Variants in SLC25A24 observed in about 807,000 individuals in gnomAD.
SLC25A24 encodes mitochondrial adenyl nucleotide antiporter SLC25A24.
Under a neutral mutation model 60.7 loss-of-function variants are expected in SLC25A24, and 49 were observed. The ratio of observed to expected loss-of-function variants is 0.81; its 90% CI spans 0.64 to 1.02. SLC25A24 has a LOEUF of 1.02. SLC25A24 is among the 50% of genes least tolerant of loss of function. SLC25A24 has a pLI of 0.00. For missense variants in SLC25A24, 564 were observed against 586.3 expected, an observed-to-expected ratio of 0.96 and a Z score of 0.39; for synonymous variants, 202 against 200.6, an observed-to-expected ratio of 1.01 and a Z score of -0.06.
intron 3 of SLC25A24, among the ~76,000 whole-genome samples, chr1:108,180,710 G>C (rs1489930026): frequency 6.6e-6 from 1 of 151,310 alleles, no homozygotes; most frequent in Non-Finnish European, 1.5e-5. Flanking sequence ...CTGCAAGCCA[G>C]AAAGAGAGCC....
intron 3 of SLC25A24, among the ~76,000 whole-genome samples, chr1:108,170,788 A>G (rs1018150816): frequency 6.6e-6 from 1 of 152,000 alleles, no homozygotes; most frequent in African/African-American, 2.4e-5. Flanking sequence ...TTGTTCTTTC[A>G]TCTGACAATC....
chr1:108,159,892 G>A (rs1483866334), intron 4 of SLC25A24, among the ~76,000 whole-genome samples: 10 of 151,030 alleles, frequency 6.6e-5, no homozygotes, highest in Admixed American at 2.0e-4. Flanking sequence ...GCAACCATCC[G>A]ATTTCTCAAT....
intron 3 of SLC25A24, among the ~76,000 whole-genome samples, chr1:108,180,673 A>G (rs1164906261): frequency 1.4e-5 from 2 of 142,458 alleles, no homozygotes; most frequent in Non-Finnish European, 3.0e-5. Flanking sequence ...TCTCTGCCAT[A>G]TGACAATACA....
At chr1:108,152,728 A>C (rs962721857) in intron 6 of SLC25A24, among the ~76,000 whole-genome samples, 1 of 152,026 alleles carries the variant, frequency 6.6e-6, no homozygotes, top group African/African-American at 2.4e-5. Flanking sequence ...CATTTACTTA[A>C]TAAGGGTTTC....
At chr1:108,171,030 A>G (rs1430184151) in intron 3 of SLC25A24, among the ~76,000 whole-genome samples, 1 of 152,120 alleles carries the variant, frequency 6.6e-6, no homozygotes, top group Non-Finnish European at 1.5e-5. Context: ...ACTGTACTTG[A>G]ATTTATTTCT....
chr1:108,147,714 T>C (rs757810412), intron 7 of SLC25A24, among the ~76,000 whole-genome samples: 17 of 152,176 alleles, frequency 1.1e-4, no homozygotes, highest in Non-Finnish European at 2.2e-4. Flanking sequence ...AGAAACTCTT[T>C]GGACAGGAAT....
At chr1:108,194,283 T>C (rs749545025) in intron 1 of SLC25A24, among the ~76,000 whole-genome samples, 1 of 138,016 alleles carries the variant, frequency 7.2e-6, no homozygotes, top group Non-Finnish European at 1.6e-5. Context: ...CAGTGGCAAA[T>C]GTCTAATGCT....
Position 108,157,634 on chromosome 1 carries a change from A to G in SLC25A24, c.511-14T>C. On this transcript the variant is annotated splice_polypyrimidine_tract_variant and intron_variant, in intron 4 of 9. Transcript: ENST00000565488. ...TATGTCAATTCCCTGTAAAAATGAA[A>G]AAAAGATCCCCATGCGCCTTAGTTA... The G allele has an allele frequency of 4.4e-6, 7 of 1,607,748 alleles. No individual in the cohort carries two copies. Among genetic ancestry groups the G allele is most frequent in the East Asian group, 2.2e-5 (1 of 44,806 alleles).
intron 6 of SLC25A24, among the ~76,000 whole-genome samples, chr1:108,152,597 A>G (rs1186506262): frequency 6.6e-6 from 1 of 152,048 alleles, no homozygotes; most frequent in Non-Finnish European, 1.5e-5. Flanking sequence ...GCTCAAGCAA[A>G]CTACCTCCTA....
chr1:108,156,478 C>T lies in SLC25A24; in HGVS notation c.669+984G>A, dbSNP rs929309435. Among the ~76,000 whole-genome samples the T allele has an allele frequency of 1.3e-3, 203 of 152,316 alleles. 2 individuals are homozygous for T. The highest frequency in any genetic ancestry group is 4.5e-3 in the African/African-American group (189 of 41,576). ...AGAAAAACACACACCAATCCCCTCT[C>T]CTTTTTCTTTAAAGCATTAGCTTTG... On this transcript the variant is annotated intron_variant, in intron 5 of 9. Coordinates refer to ENST00000565488, the MANE Select transcript of SLC25A24 (RefSeq NM_013386.5).
Position 108,135,507 on chromosome 1 carries a change from C to T in SLC25A24, c.*1146G>A, listed in dbSNP as rs951534580. ...ATGGCTTTAGTAAAATAAAAAAATG[C>T]TCTCATTATTATAAATTAAGTCTCC... is the stretch of plus-strand genomic sequence containing the variant. On this transcript the variant is annotated 3_prime_UTR_variant, in exon 10 of 10. Coordinates refer to ENST00000565488, the MANE Select transcript of SLC25A24 (RefSeq NM_013386.5). 9 of 152,056 alleles carry T rather than the reference C, an allele frequency of 5.9e-5. No individual in the cohort carries two copies. The highest frequency in any genetic ancestry group is 1.2e-4 in the African/African-American group (5 of 41,394). The allele number at this position is 152,056 out of a possible 1,614,324, so 9.4% of individuals were successfully genotyped here.
In SLC25A24 at chr1:108,185,836, T is replaced by C. The variant is rs747541807; in HGVS notation, c.302A>G (p.Asn101Ser). ...ACAAAAGAAAGACACACCATCATTA[T>C]TTTTGTCTAAACTCTTAAATGCCAA... ...MKLAFKSLDK[N>S]NDGKIEASEI... Residue 101 changes from asparagine (N) to serine (S), a missense_variant, in exon 2 of 10, where the codon AAT becomes AGT. Asn to Ser is a conservative substitution (Grantham distance 46, BLOSUM62 1). Coordinates refer to ENST00000565488, the MANE Select transcript of SLC25A24 (RefSeq NM_013386.5). 4 of 1,586,624 alleles carry C rather than the reference T, an allele frequency of 2.5e-6. No homozygotes were observed. Among genetic ancestry groups the C allele is most frequent in the Non-Finnish European group, 3.4e-6 (4 of 1,161,268 alleles).
At chr1:108,192,696 C>T in intron 1 of SLC25A24, 2 of 1,449,792 alleles carry the variant, frequency 1.4e-6, no homozygotes, top group Non-Finnish European at 1.8e-6. Context: ...CGAACGGGAT[C>T]TCTGCCCACC....
chr1:108,189,567 C>A (rs886321871), intron 1 of SLC25A24, among the ~76,000 whole-genome samples: 1 of 152,156 alleles, frequency 6.6e-6, no homozygotes, highest in Non-Finnish European at 1.5e-5. Flanking sequence ...GTAATCCCAG[C>A]AGTTTGGGAG....
intron 8 of SLC25A24, among the ~76,000 whole-genome samples, chr1:108,140,143 A>C (rs1206285606): frequency 6.6e-6 from 1 of 152,166 alleles, no homozygotes; most frequent in Non-Finnish European, 1.5e-5. Flanking sequence ...TAAGACTAAA[A>C]ATTTTAAATC....
chr1:108,195,397 T>C (rs1246502797), intron 1 of SLC25A24, among the ~76,000 whole-genome samples: 3 of 152,216 alleles, frequency 2.0e-5, no homozygotes, highest in African/African-American at 7.2e-5. Context: ...ACAAAAGGCT[T>C]AGAATGCTAC....
At chr1:108,162,378 C>T (rs1680113182) in intron 3 of SLC25A24, among the ~76,000 whole-genome samples, 1 of 150,126 alleles carries the variant, frequency 6.7e-6, no homozygotes, top group Admixed American at 6.6e-5. Context: ...CACTGACTTC[C>T]ACAAGGGTTG....
intron 8 of SLC25A24, among the ~76,000 whole-genome samples, chr1:108,142,209 G>C (rs12031483): frequency 0.16 from 24,410 of 152,108 alleles, 2,305 homozygotes; most frequent in Non-Finnish European, 0.22. Flanking sequence ...AAAACAGTCT[G>C]ATAGTTCCTA....
intron 3 of SLC25A24, among the ~76,000 whole-genome samples, chr1:108,175,241 C>T (rs896517254): frequency 3.9e-5 from 6 of 152,228 alleles, no homozygotes; most frequent in Non-Finnish European, 8.8e-5. Flanking sequence ...GAGGAGGCTA[C>T]CCTCATTCTG....
Sources: gnomAD v4.1 joint callset for allele counts (sites outside exome capture counted in the v4.1 genomes callset) on GRCh38, gnomAD v4.1.1 for gene constraint, MANE v1.5 for transcripts, NCBI Gene and HGNC (gene_info 2026-07-23, HGNC 2026-07-21) for gene names.